FANCB: variants seen among roughly 807,000 people sequenced by gnomAD.
The protein encoded by FANCB is FA complementation group B, also known as Fanconi anemia group B protein.
In FANCB, 5 loss-of-function variants were observed where a neutral mutation model predicts 38.9. That is an observed-to-expected ratio of 0.13 (90% CI 0.07 to 0.27). FANCB has a LOEUF of 0.27. Ranked by LOEUF, FANCB falls within the 10% of genes least tolerant of loss-of-function variation. The pLI is 1.00. For synonymous variants in FANCB, 236 were observed against 215.4 expected, an observed-to-expected ratio of 1.10 and a Z score of -0.84; for missense variants, 573 against 602.7, an observed-to-expected ratio of 0.95 and a Z score of 0.52.
chrX:14,793,168 T>G, the FANCB span, among the ~76,000 whole-genome samples: 2 of 112,404 alleles, frequency 1.8e-5, no homozygotes, highest in East Asian at 5.6e-4. Flanking sequence ...CTCACTGATA[T>G]GTAAAAAATT....
chrX:14,734,443 G>T, the FANCB span, among the ~76,000 whole-genome samples: 1 of 111,250 alleles, frequency 9.0e-6, no homozygotes, highest in Admixed American at 9.5e-5. Flanking sequence ...CTCAGCATTT[G>T]CTTGTCTGTA....
At chrX:14,756,069 T>C in the FANCB span, among the ~76,000 whole-genome samples, 5 of 111,899 alleles carry the variant, frequency 4.5e-5, no homozygotes, top group Admixed American at 3.8e-4. Context: ...AGAACACATA[T>C]TGGAGAAAGG....
the FANCB span, among the ~76,000 whole-genome samples, chrX:14,829,289 G>C: frequency 1.8e-5 from 2 of 111,270 alleles, no homozygotes; most frequent in Admixed American, 9.6e-5. Flanking sequence ...TGTCACCCAG[G>C]CTTGTGGATT....
At chrX:14,850,922 A>G (rs1424416025) in intron 6 of FANCB, among the ~76,000 whole-genome samples, 1 of 111,156 alleles carries the variant, frequency 9.0e-6, no homozygotes, top group Non-Finnish European at 1.9e-5. Context: ...GGTATCCAAC[A>G]AAGAGCCAAA....
At chrX:14,834,724 C>G (rs1254443903), downstream of FANCB, 6 of 745,146 alleles carry the variant, frequency 8.1e-6, no homozygotes, top group Admixed American at 1.3e-4. Context: ...GAGTCTTTTC[C>G]ATTCTGATTT....
chrX:14,868,526 TAA>T (rs1254854567), intron 2 of FANCB, among the ~76,000 whole-genome samples: 1 of 111,076 alleles, frequency 9.0e-6, no homozygotes, highest in Non-Finnish European at 1.9e-5. Context: ...AAATTTTTTT[TAA>T]AAGAGTTGCT....
At position 14,873,036 on chromosome X, in the gene FANCB, C is replaced by G; in HGVS notation, c.-242G>C. On this transcript the variant is annotated 5_prime_UTR_variant, in exon 1 of 10. Transcript: ENST00000650831. ...GGCCCCACGTCGATACGGTATCCAT[C>G]TGCTCCAAACCTCCCGCCAGCGCGC... is the stretch of plus-strand genomic sequence containing the variant. 6.7e-6 allele frequency: 1 copy of G among 149,333 alleles called. No individual in the cohort carries two copies. Among genetic ancestry groups the G allele is most frequent in the Non-Finnish European group, 1.3e-5 (1 of 75,718 alleles). The allele number at this position is 149,333 out of a possible 1,213,427, so 12.3% of individuals were successfully genotyped here.
the FANCB span, among the ~76,000 whole-genome samples, chrX:14,817,459 G>T: frequency 2.7e-5 from 3 of 111,634 alleles, no homozygotes; most frequent in African/African-American, 9.8e-5. Flanking sequence ...GTAGGATAGG[G>T]ATAGGGAAGG....
At chrX:14,798,812 T>C in the FANCB span, among the ~76,000 whole-genome samples, 7 of 111,724 alleles carry the variant, frequency 6.3e-5, no homozygotes, top group South Asian at 7.5e-4. Context: ...TAGATACTGA[T>C]GTAAAGGTAT....
chrX:14,747,706 G>A, the FANCB span, among the ~76,000 whole-genome samples: 2 of 111,930 alleles, frequency 1.8e-5, no homozygotes, highest in Non-Finnish European at 3.8e-5. Context: ...TATCACTGCA[G>A]ACAAAGCAAC....
intron 2 of FANCB, among the ~76,000 whole-genome samples, chrX:14,866,273 G>T (rs1422357736): frequency 3.6e-5 from 4 of 112,174 alleles, no homozygotes; most frequent in African/African-American, 6.5e-5. Context: ...AGAAAAAATA[G>T]AGGATTAACA....
At chrX:14,696,206 T>TGGAGGGAGAGTGCGAGGGAG in the FANCB span, among the ~76,000 whole-genome samples, 1 of 31,770 alleles carries the variant, frequency 3.1e-5, no homozygotes, top group Non-Finnish European at 5.5e-5. Context: ...GAGAATGGGA[T>TGGAGGGAGAGTGCGAGGGAG]GGAGGGAGAG....
chrX:14,774,722 C>T, the FANCB span, among the ~76,000 whole-genome samples: 1 of 112,469 alleles, frequency 8.9e-6, no homozygotes, highest in Non-Finnish European at 1.9e-5. Flanking sequence ...TATCTTTTCA[C>T]AGGTAACAAA....
At chrX:14,813,116 C>T in the FANCB span, among the ~76,000 whole-genome samples, 3 of 107,165 alleles carry the variant, frequency 2.8e-5, no homozygotes, top group African/African-American at 1.0e-4. Context: ...AATTCAACAA[C>T]CCTTCATGCT....
chrX:14,769,381 T>A, the FANCB span, among the ~76,000 whole-genome samples: 2 of 111,924 alleles, frequency 1.8e-5, no homozygotes, highest in South Asian at 7.4e-4. Context: ...TCTTTCTGGT[T>A]CAGTCTTGGA....
chrX:14,787,876 A>AATATAT, the FANCB span, among the ~76,000 whole-genome samples: 214 of 41,652 alleles, frequency 5.1e-3, 2 homozygotes, highest in African/African-American at 6.3e-3. Context: ...TTAAAAATAG[A>AATATAT]ATATATATAT....
chrX:14,835,169 C>T, downstream of FANCB: 1 of 532,335 alleles, frequency 1.9e-6, no homozygotes, highest in South Asian at 2.3e-5. Context: ...TCCTTTGCAC[C>T]AGTCCCTAAA....
chrX:14,782,023 C>A, the FANCB span, among the ~76,000 whole-genome samples: 1 of 111,932 alleles, frequency 8.9e-6, no homozygotes, highest in East Asian at 2.8e-4. Context: ...TGTTTGTGAG[C>A]AGTTACTAAG....
the FANCB span, among the ~76,000 whole-genome samples, chrX:14,785,913 C>T: frequency 1.8e-5 from 2 of 111,472 alleles, no homozygotes; most frequent in Non-Finnish European, 3.8e-5. Context: ...TCTCAGACCA[C>T]TCCGGGTACC....
Sources: allele counts gnomAD v4.1 joint callset (sites outside exome capture counted in the v4.1 genomes callset), GRCh38; gene constraint gnomAD v4.1.1; transcripts MANE v1.5; gene names NCBI Gene and HGNC (gene_info 2026-07-23, HGNC 2026-07-21).